Variants in NRXN1 observed in about 807,000 individuals in gnomAD.
The protein encoded by NRXN1 is neurexin 1, also known as neurexin-1.
Under a neutral mutation model 150.9 loss-of-function variants are expected in NRXN1, and 39 were observed. The ratio of observed to expected loss-of-function variants is 0.26; its 90% confidence interval spans 0.20 to 0.34. The LOEUF is 0.34. NRXN1 is among the 10% of genes least tolerant of loss of function. The pLI is 1.00. For missense variants in NRXN1, 1,815 were observed against 1,949.9 expected, an observed-to-expected ratio of 0.93 and a Z score of 1.30; for synonymous variants, 924 against 757.0, an observed-to-expected ratio of 1.22 and a Z score of -3.62.
intron 18 of NRXN1, among the ~76,000 whole-genome samples, chr2:50,233,632 C>G (rs2065162416): frequency 6.6e-6 from 1 of 152,044 alleles, no homozygotes; most frequent in Admixed American, 6.6e-5. Context: ...TAGTATACTT[C>G]ACTGACTTTG....
intron 15 of NRXN1, among the ~76,000 whole-genome samples, chr2:50,490,156 T>C (rs1211721219): frequency 6.6e-6 from 1 of 152,232 alleles, no homozygotes; most frequent in Non-Finnish European, 1.5e-5. Flanking sequence ...GTCTTTGTTC[T>C]GTACCATGGC....
intron 5 of NRXN1, among the ~76,000 whole-genome samples, chr2:50,729,370 AT>A (rs1559177867): frequency 5.3e-5 from 8 of 152,324 alleles, no homozygotes; most frequent in Admixed American, 5.2e-4. Context: ...AATTATGCTC[AT>A]TTTGCAGATG....
At position 50,959,122 on chromosome 2, in the gene NRXN1, G is replaced by A. The variant is rs181694386; in HGVS notation, c.773-33167C>T. On this transcript the variant is annotated intron_variant, in intron 2 of 22. Coordinates refer to ENST00000401669, the MANE Select transcript of NRXN1 (RefSeq NM_001330078.2). Reference sequence around the variant, plus strand: ...AATAACAAGTGTCGGTGAAAATGTGGAAAAATTGCTGATTTTTCTTATCAT... The same window carrying A: ...AATAACAAGTGTCGGTGAAAATGTGAAAAAATTGCTGATTTTTCTTATCAT... Among the ~76,000 whole-genome samples the A allele has an allele frequency of 2.2e-3, 337 of 152,070 alleles. 1 individual carries two copies. Among genetic ancestry groups the A allele is most frequent in the Admixed American group, 4.0e-3 (61 of 15,236 alleles).
At chr2:50,300,926 C>A (rs1399625648) in intron 17 of NRXN1, among the ~76,000 whole-genome samples, 1 of 152,118 alleles carries the variant, frequency 6.6e-6, no homozygotes, top group Non-Finnish European at 1.5e-5. Flanking sequence ...GAACTCCTGA[C>A]CTCAGGTGAT....
chr2:50,202,099 C>G (rs910462554), intron 18 of NRXN1, among the ~76,000 whole-genome samples: 3 of 152,196 alleles, frequency 2.0e-5, no homozygotes, highest in South Asian at 4.1e-4. Flanking sequence ...CATGCAGCTA[C>G]TATGCCTACT....
intron 2 of NRXN1, among the ~76,000 whole-genome samples, chr2:51,027,162 T>C (rs1194650130): frequency 6.6e-6 from 1 of 152,120 alleles, no homozygotes; most frequent in East Asian, 1.9e-4. Context: ...ACAGTGGTCA[T>C]ATAGGTGGGC....
chr2:49,941,022 T>G (rs910717451), intron 22 of NRXN1, among the ~76,000 whole-genome samples: 8 of 152,060 alleles, frequency 5.3e-5, no homozygotes, highest in African/African-American at 1.9e-4. Context: ...TTAGATAGAA[T>G]CAGTAGCTGG....
intron 7 of NRXN1, 23 bp from the exon 8 acceptor site, chr2:50,620,206 AG>A (rs759177258): frequency 6.2e-7 from 1 of 1,612,002 alleles, no homozygotes; most frequent in Non-Finnish European, 8.5e-7. Context: ...GCACAGGGAA[AG>A]GACACGCTAT....
At chr2:50,928,259 C>A (rs1380959058) in intron 2 of NRXN1, among the ~76,000 whole-genome samples, 1 of 151,686 alleles carries the variant, frequency 6.6e-6, no homozygotes, top group Non-Finnish European at 1.5e-5. Context: ...GATATATTAA[C>A]CACTGTTTAA....
intron 5 of NRXN1, among the ~76,000 whole-genome samples, chr2:50,651,590 G>A (rs1009029939): frequency 6.6e-6 from 1 of 151,966 alleles, no homozygotes; most frequent in Non-Finnish European, 1.5e-5. Context: ...CAGAGGAGAT[G>A]GAGGCTGCAG....
chr2:50,657,819 T>C (rs1686711746), intron 5 of NRXN1, among the ~76,000 whole-genome samples: 1 of 152,052 alleles, frequency 6.6e-6, no homozygotes, highest in East Asian at 1.9e-4. Flanking sequence ...TCTGAGCTGT[T>C]ATTATCCACA....
chr2:50,266,244 C>A lies in NRXN1; in HGVS notation c.3365-29274G>T, dbSNP rs972225807. On this transcript the variant is annotated intron_variant, in intron 17 of 22. Transcript: ENST00000401669. ...GAACGCCTGACCTAAGGTGATCCAC[C>A]TGCCTTGGCCTCCCAAAATGCTGGG... Among the ~76,000 whole-genome samples the A allele has an allele frequency of 1.5e-4, 23 of 149,846 alleles. No homozygotes were observed. The East Asian group carries it at 3.9e-3, about 26-fold the overall frequency.
intron 16 of NRXN1, among the ~76,000 whole-genome samples, chr2:50,470,581 T>G (rs2089363813): frequency 6.6e-6 from 1 of 151,810 alleles, no homozygotes; most frequent in Non-Finnish European, 1.5e-5. Flanking sequence ...ACGACATTAT[T>G]TTGGCTGAGA....
intron 15 of NRXN1, among the ~76,000 whole-genome samples, chr2:50,495,063 C>T (rs1573242703): frequency 1.3e-5 from 2 of 150,188 alleles, no homozygotes; most frequent in African/African-American, 4.9e-5. Flanking sequence ...GTTAAATTTT[C>T]TCTTTCCAGT....
At chr2:50,150,548 A>G (rs1399532861) in intron 18 of NRXN1, among the ~76,000 whole-genome samples, 1 of 151,812 alleles carries the variant, frequency 6.6e-6, no homozygotes, top group Non-Finnish European at 1.5e-5. Context: ...GTAAGGACTA[A>G]TTTCCAGTGA....
At chr2:50,738,430 C>T (rs1014767858) in intron 5 of NRXN1, among the ~76,000 whole-genome samples, 2 of 152,150 alleles carry the variant, frequency 1.3e-5, no homozygotes, top group African/African-American at 4.8e-5. Flanking sequence ...CATTTAATAT[C>T]TAATTTATTC....
At chr2:50,592,827 T>A (rs559169700) in intron 8 of NRXN1, among the ~76,000 whole-genome samples, 2 of 152,204 alleles carry the variant, frequency 1.3e-5, no homozygotes, top group South Asian at 2.1e-4. Context: ...GAGAAAAAAA[T>A]TTTGGGAAAA....
chr2:50,981,457 C>CAAAAAAA (rs70958635), intron 2 of NRXN1, among the ~76,000 whole-genome samples: 14 of 23,246 alleles, frequency 6.0e-4, no homozygotes, highest in African/African-American at 7.1e-4. Flanking sequence ...AACTCTATCT[C>CAAAAAAA]AAAAAAAAAA....
At chr2:50,237,831 A>G (rs1054878584) in intron 17 of NRXN1, among the ~76,000 whole-genome samples, 2 of 152,044 alleles carry the variant, frequency 1.3e-5, no homozygotes, top group African/African-American at 4.8e-5. Flanking sequence ...GGTAAACCCC[A>G]TAAACCCCAT....
Sources: allele counts gnomAD v4.1 joint callset (sites outside exome capture counted in the v4.1 genomes callset), GRCh38; gene constraint gnomAD v4.1.1; transcripts MANE v1.5; gene names NCBI Gene and HGNC (gene_info 2026-07-23, HGNC 2026-07-21).